Variants in KALRN observed in about 807,000 individuals in gnomAD.
The protein encoded by KALRN is kalirin RhoGEF kinase.
Under a neutral mutation model 353.7 loss-of-function variants are expected in KALRN, and 70 were observed. The observed-to-expected ratio is 0.20, with a 90% CI of 0.16 to 0.24. KALRN has a LOEUF of 0.24. Among genes scored for constraint, KALRN ranks in the 10% least tolerant of loss-of-function variants. KALRN has a pLI of 1.00. For synonymous variants in KALRN, 1,391 were observed against 1,434.8 expected (o/e 0.97, Z 0.69); for missense variants, 2,791 against 3,756.7 (o/e 0.74, Z 6.72).
chr3:124,058,105 A>T (rs2041711285), intron 1 of KALRN, among the ~76,000 whole-genome samples: 1 of 152,166 alleles, frequency 6.6e-6, no homozygotes, highest in Non-Finnish European at 1.5e-5. Context: ...ATTCGCTATT[A>T]TGAGAACAGC....
At chr3:124,456,486 A>T (rs1287560602) in intron 22 of KALRN, 124 bp from the exon 23 acceptor site, 3 of 594,898 alleles carry the variant, frequency 5.0e-6, no homozygotes, top group African/African-American at 3.7e-5. Flanking sequence ...AGTCTGTAAG[A>T]TCCCTCATGT....
chr3:124,662,010 C>A (rs750686019), intron 45 of KALRN, 82 bp downstream of exon 45: 70 of 1,100,534 alleles, frequency 6.4e-5, no homozygotes, highest in Middle Eastern at 4.8e-4. Context: ...CCCCCTGAAG[C>A]CTTGTGTCCT....
intron 27 of KALRN, 116 bp from the exon 28 acceptor site, chr3:124,482,691 CT>C: frequency 2.8e-6 from 2 of 713,368 alleles, no homozygotes; most frequent in Non-Finnish European, 5.1e-6. Context: ...TGTTCTCATA[CT>C]TGTCTACCTT....
chr3:124,554,327 A>T (rs2070938846), intron 33 of KALRN, among the ~76,000 whole-genome samples: 1 of 152,224 alleles, frequency 6.6e-6, no homozygotes, highest in African/African-American at 2.4e-5. Context: ...TGGGGTTTTT[A>T]GTAGGCTACA....
chr3:124,529,087 T>C (rs76695426), intron 33 of KALRN, among the ~76,000 whole-genome samples: 157 of 152,272 alleles, frequency 1.0e-3, no homozygotes, highest in African/African-American at 3.7e-3. Flanking sequence ...ATAAAATTCG[T>C]GTCAAATCAT....
intron 1 of KALRN, among the ~76,000 whole-genome samples, chr3:124,156,985 T>A (rs1578741268): frequency 6.6e-6 from 1 of 152,328 alleles, no homozygotes; most frequent in South Asian, 2.1e-4. Flanking sequence ...TTAAAGAGAC[T>A]CTTCTGTTTT....
At chr3:124,215,738 C>G (rs1045319817) in intron 1 of KALRN, among the ~76,000 whole-genome samples, 6 of 152,148 alleles carry the variant, frequency 3.9e-5, no homozygotes, top group Non-Finnish European at 5.9e-5. Context: ...AGGGCTGTGA[C>G]CTTCCCCTCA....
chr3:124,271,521 T>C (rs961661073), intron 5 of KALRN, among the ~76,000 whole-genome samples: 1 of 152,312 alleles, frequency 6.6e-6, no homozygotes, highest in African/African-American at 2.4e-5. Flanking sequence ...GTATAGTACA[T>C]TGATAATTAC....
rs202059026 is a variant in KALRN at position 124,693,785 on chromosome 3, G to A, written c.7378-19G>A. On this transcript the variant is annotated intron_variant, in intron 51 of 59. Transcript: ENST00000682506. ...TAGTTTAGGATTCAAGCAATTTTCT[G>A]TGTCTTTTTGTTTTTCAGATCTTAA... 1 of 1,519,158 alleles carries A rather than the reference G, an allele frequency of 6.6e-7. No homozygotes were observed. Among genetic ancestry groups the A allele is most frequent in the Non-Finnish European group, 9.1e-7 (1 of 1,103,136 alleles). The allele number at this position is 1,519,158 out of a possible 1,614,324, so 94.1% of individuals were successfully genotyped here.
intron 2 of KALRN, 138 bp downstream of exon 2, chr3:124,228,202 C>T (rs1343054199): frequency 2.6e-6 from 2 of 763,154 alleles, no homozygotes; most frequent in South Asian, 1.5e-5. Flanking sequence ...CTTTCTTTCT[C>T]CTGAGGCAGA....
At chr3:124,156,095 G>A (rs937232503) in intron 1 of KALRN, among the ~76,000 whole-genome samples, 4 of 152,130 alleles carry the variant, frequency 2.6e-5, no homozygotes, top group Non-Finnish European at 5.9e-5. Context: ...AGAGAATACA[G>A]CTTCCTTCCA....
Position 124,251,855 on chromosome 3 carries a change from ACT to A in KALRN, c.264-12640_264-12639del, listed in dbSNP as rs1553874926. Reference sequence around the variant, plus strand: ...TCTGTGCTATTGAATACTTTACCACACTCTGCCTGGAAGAGAAAAAGAGAAAC... The same window carrying A: ...TCTGTGCTATTGAATACTTTACCACACTGCCTGGAAGAGAAAAAGAGAAAC... On this transcript the variant is annotated intron_variant, in intron 3 of 59. Transcript: ENST00000682506. Among the ~76,000 whole-genome samples, 3 of 151,798 alleles carry A rather than the reference ACT, an allele frequency of 2.0e-5. No homozygotes were observed. The East Asian group carries it at 5.8e-4, about 29-fold the overall frequency.
rs148397531 is a variant in KALRN, at chr3:124,654,361, C to T, written c.5796-1240C>T. ...CCAGGCTCCAGGAATGTGGTGGCTT[C>T]TGGGGCTATACGGAGCAAGAGTTTC... is the stretch of plus-strand genomic sequence containing the variant. On this transcript the variant is annotated intron_variant, in intron 38 of 59. Transcript: ENST00000682506. Among the ~76,000 whole-genome samples, 787 of 152,310 alleles carry T rather than the reference C, an allele frequency of 5.2e-3. 20 individuals are homozygous for T. The highest frequency in any genetic ancestry group is 0.045 in the Admixed American group (681 of 15,300).
intron 33 of KALRN, among the ~76,000 whole-genome samples, chr3:124,517,622 G>A (rs957451501): frequency 2.6e-5 from 4 of 152,138 alleles, no homozygotes; most frequent in African/African-American, 9.7e-5. Context: ...CAGTAGAGAT[G>A]GTGGAAGCCA....
chr3:124,098,780 C>G (rs2061630466), intron 1 of KALRN, among the ~76,000 whole-genome samples: 1 of 152,154 alleles, frequency 6.6e-6, no homozygotes, highest in Non-Finnish European at 1.5e-5. Context: ...TTGCAGTCCA[C>G]TAATTTCTTT....
At chr3:124,091,652 G>A (rs2061125317) in intron 1 of KALRN, among the ~76,000 whole-genome samples, 1 of 152,174 alleles carries the variant, frequency 6.6e-6, no homozygotes, top group South Asian at 2.1e-4. Flanking sequence ...GCCCTCTGGA[G>A]TGGATGGGCT....
intron 1 of KALRN, among the ~76,000 whole-genome samples, chr3:124,206,183 C>A (rs2076394119): frequency 6.6e-6 from 1 of 152,196 alleles, no homozygotes; most frequent in Non-Finnish European, 1.5e-5. Flanking sequence ...TTGTCATAGT[C>A]TCCTACAGAT....
At chr3:124,501,162 C>T (rs1044859702) in intron 33 of KALRN, among the ~76,000 whole-genome samples, 11 of 152,138 alleles carry the variant, frequency 7.2e-5, no homozygotes, top group African/African-American at 9.7e-5. Context: ...CAGACATGTC[C>T]GGGTTGGCTG....
At chr3:124,173,899 C>T (rs1328042151) in intron 1 of KALRN, among the ~76,000 whole-genome samples, 1 of 152,130 alleles carries the variant, frequency 6.6e-6, no homozygotes, top group Non-Finnish European at 1.5e-5. Context: ...CAGGCATGAG[C>T]CACCGTCCCT....
Sources: allele counts gnomAD v4.1 joint callset (sites outside exome capture counted in the v4.1 genomes callset), GRCh38; gene constraint gnomAD v4.1.1; transcripts MANE v1.5; gene names NCBI Gene and HGNC (gene_info 2026-07-23, HGNC 2026-07-21).